Variants in NAV3 observed in about 807,000 individuals in gnomAD.
NAV3 encodes the protein neuron navigator 3, also known as pore membrane and/or filament interacting like protein 1.
Under a neutral mutation model 244.7 loss-of-function variants are expected in NAV3, and 87 were observed. The ratio of observed to expected loss-of-function variants is 0.36; its 90% CI spans 0.30 to 0.42. The LOEUF (loss-of-function observed/expected upper bound fraction) is 0.42. Among genes scored for constraint, NAV3 ranks in the 20% least tolerant of loss-of-function variants. NAV3 has a pLI of 1.00. For synonymous variants in NAV3, 1,126 were observed against 1,042.2 expected, an observed-to-expected ratio of 1.08 and a Z score of -1.55; for missense variants, 2,663 against 2,893.3, an observed-to-expected ratio of 0.92 and a Z score of 1.83.
intron 34 of NAV3, among the ~76,000 whole-genome samples, chr12:78,196,193 G>T (rs1959172121): frequency 6.6e-6 from 1 of 151,916 alleles, no homozygotes. Flanking sequence ...TCTGACTTAG[G>T]CAAGATTTAT....
chr12:77,908,044 C>T (rs901294157), intron 1 of NAV3, among the ~76,000 whole-genome samples: 1 of 152,016 alleles, frequency 6.6e-6, no homozygotes, highest in African/African-American at 2.4e-5. Context: ...CTAAACCACT[C>T]CCATGTAGAT....
chr12:77,593,207 T>C (rs1869988446), intron 2 of NAV3, among the ~76,000 whole-genome samples: 1 of 152,100 alleles, frequency 6.6e-6, no homozygotes, highest in African/African-American at 2.4e-5. Context: ...TTAAAAGAAA[T>C]GCTACTGTTA....
intron 12 of NAV3, among the ~76,000 whole-genome samples, chr12:78,082,894 C>T (rs1953431653): frequency 6.6e-6 from 1 of 152,098 alleles, no homozygotes; most frequent in Non-Finnish European, 1.5e-5. Context: ...CCCTGTAGTC[C>T]TTGTACACAT....
rs1468978165 is a variant in NAV3, at chr12:77,797,549, TA to T, written c.73-142767del. 5.4e-4 allele frequency among the ~76,000 whole-genome samples: 43 copies of T among 79,778 alleles called. No individual in the cohort carries two copies. In the East Asian group the frequency reaches 0.01, roughly 19 times the overall value. 52.3% of individuals were successfully genotyped at this position (79,778 alleles called of 152,430 possible). On this transcript the variant is annotated intron_variant, in intron 2 of 8. Transcript: ENST00000550042. ...GTTTTTTTTTTTTTTTTTTTTTTTTTAAAGTAGCTTAGGCCGGGCGTGGTGG... is the reference window on the plus strand; with the variant it reads ...GTTTTTTTTTTTTTTTTTTTTTTTTTAAGTAGCTTAGGCCGGGCGTGGTGG...
At chr12:77,853,469 A>G (rs1877865914) in intron 1 of NAV3, among the ~76,000 whole-genome samples, 1 of 152,174 alleles carries the variant, frequency 6.6e-6, no homozygotes, top group African/African-American at 2.4e-5. Flanking sequence ...GGGAAACATA[A>G]ATTCTTAATT....
At chr12:77,837,132 A>G (rs975573538) in intron 1 of NAV3, among the ~76,000 whole-genome samples, 1 of 152,100 alleles carries the variant, frequency 6.6e-6, no homozygotes, top group Non-Finnish European at 1.5e-5. Flanking sequence ...TGAATGGAGC[A>G]TTCAGAAAAG....
chr12:77,686,273 G>A (rs1592581593), intron 2 of NAV3, among the ~76,000 whole-genome samples: 2 of 151,868 alleles, frequency 1.3e-5, no homozygotes, highest in Admixed American at 1.3e-4. Context: ...TCGTATTTTT[G>A]GTAGAGACGG....
At chr12:77,835,877 T>C (rs1482591862) in intron 1 of NAV3, among the ~76,000 whole-genome samples, 3 of 152,344 alleles carry the variant, frequency 2.0e-5, no homozygotes. Context: ...ATCTAGCTGC[T>C]ACATCCCAGA....
rs189872815 is a variant in NAV3, at chr12:77,929,368, C to T, written c.244-10951C>T. ...CCACCACATTGCATAGCTCTGGCTG[C>T]GTCACGGACAGGGACATGTCATTGA... On this transcript the variant is annotated intron_variant, in intron 1 of 39. Transcript: ENST00000397909. Among the ~76,000 whole-genome samples, 17 of 152,216 alleles carry T rather than the reference C, an allele frequency of 1.1e-4. No individual in the cohort carries two copies. In the South Asian group the frequency reaches 1.2e-3, roughly 11 times the overall value.
rs1048611343 is a variant in NAV3, at chr12:78,177,187, A to C, written c.5171A>C (p.Lys1724Thr). 8.1e-6 allele frequency: 13 copies of C among 1,613,458 alleles called. No homozygotes were observed. The highest frequency in any genetic ancestry group is 1.1e-5 in the Non-Finnish European group (13 of 1,179,586). Residue 1724 changes from lysine (K) to threonine (T), a missense_variant, in exon 27 of 40, where the codon AAG (lysine) becomes ACG (threonine). Lys to Thr is a moderately conservative substitution (Grantham distance 78). This residue lies in a region of NAV3 where 193 missense variants were observed against 200.7 expected (regional missense o/e 0.96). Coordinates refer to ENST00000397909, the MANE Select transcript of NAV3 (RefSeq NM_001024383.2). ...GCCTTTGGGAAGAAAAAGTCCACCA[A>C]GCCTCCTTCATCACATTCTGACATT... ...KQAFGKKKST[K>T]PPSSHSDIEE...
intron 1 of NAV3, among the ~76,000 whole-genome samples, chr12:77,852,296 A>T (rs1877650278): frequency 6.6e-6 from 1 of 152,192 alleles, no homozygotes. Context: ...ACACTTTGGG[A>T]GGCTAAGGCA....
chr12:77,883,754 G>A (rs1052686090), intron 1 of NAV3, among the ~76,000 whole-genome samples: 2 of 151,946 alleles, frequency 1.3e-5, no homozygotes, highest in Non-Finnish European at 2.9e-5. Context: ...TCTTGAAGAT[G>A]GTCTTGTTCC....
At chr12:77,949,971 T>C (rs1407097670) in intron 3 of NAV3, among the ~76,000 whole-genome samples, 2 of 152,102 alleles carry the variant, frequency 1.3e-5, no homozygotes, top group Non-Finnish European at 2.9e-5. Flanking sequence ...TTAAGTTTCT[T>C]ACATGTCTTT....
intron 12 of NAV3, among the ~76,000 whole-genome samples, chr12:78,076,648 A>AAATG (rs897828246): frequency 1.3e-5 from 2 of 152,218 alleles, no homozygotes; most frequent in Non-Finnish European, 2.9e-5. Flanking sequence ...ACGTTTATGT[A>AAATG]AATGAATGAA....
At chr12:77,932,493 C>T (rs1056603175) in intron 1 of NAV3, among the ~76,000 whole-genome samples, 30 of 152,156 alleles carry the variant, frequency 2.0e-4, no homozygotes, top group South Asian at 2.1e-4. Flanking sequence ...CTTCCACACT[C>T]ATATATTGTG....
At chr12:78,203,029 G>T (rs575443450) in intron 38 of NAV3, among the ~76,000 whole-genome samples, 49 of 152,180 alleles carry the variant, frequency 3.2e-4, no homozygotes, top group African/African-American at 1.1e-3. Flanking sequence ...ACCTTATGGG[G>T]AATGCACTCT....
intron 2 of NAV3, among the ~76,000 whole-genome samples, chr12:77,619,386 T>A (rs1319736078): frequency 6.6e-6 from 1 of 152,214 alleles, no homozygotes; most frequent in Non-Finnish European, 1.5e-5. Flanking sequence ...TCAGACTAAA[T>A]CTTTTCTACT....
At chr12:77,685,335 C>T (rs1874671631) in intron 2 of NAV3, among the ~76,000 whole-genome samples, 1 of 152,130 alleles carries the variant, frequency 6.6e-6, no homozygotes, top group Non-Finnish European at 1.5e-5. Flanking sequence ...ACATGTGCGC[C>T]ATCTGCTGAT....
At chr12:77,853,448 T>A (rs549055016) in intron 1 of NAV3, among the ~76,000 whole-genome samples, 1 of 152,332 alleles carries the variant, frequency 6.6e-6, no homozygotes, top group African/African-American at 2.4e-5. Flanking sequence ...CCTCCCTTAA[T>A]AATGTCTTTT....
Sources: gnomAD v4.1 joint callset for allele counts (sites outside exome capture counted in the v4.1 genomes callset) on GRCh38, gnomAD v4.1.1 for gene constraint, gnomAD v4.1.1 regional missense constraint, MANE v1.5 for transcripts, NCBI Gene and HGNC (gene_info 2026-07-23, HGNC 2026-07-21) for gene names.